Variants in CNBP observed in about 807,000 individuals in gnomAD.
CNBP encodes the protein cellular nucleic acid-binding protein.
In CNBP, 6 loss-of-function variants were observed where a neutral mutation model predicts 21.2. That is an observed-to-expected ratio of 0.28 (90% confidence interval 0.16 to 0.56). The LOEUF (loss-of-function observed/expected upper bound fraction) is 0.56, where lower values mean the gene tolerates loss of function less well. Ranked by LOEUF, CNBP falls within the 20% of genes least tolerant of loss-of-function variation. CNBP has a pLI of 0.93. For synonymous variants in CNBP, 61 were observed against 74.9 expected (o/e 0.81, Z 0.96); for missense variants, 112 against 233.1 (o/e 0.48, Z 3.38).
At chr3:129,181,655 A>AAAAAAAAAAAAAAAAAG (rs1264573788) in intron 1 of CNBP, among the ~76,000 whole-genome samples, 20 of 141,824 alleles carry the variant, frequency 1.4e-4, no homozygotes, top group African/African-American at 5.8e-4. Context: ...GTCTCAGAAA[A>AAAAAAAAAAAAAAAAAG]AAAAAAAGAA....
chr3:129,181,651 G>GAAAAAAAAAAAAAA (rs371274750), intron 1 of CNBP, among the ~76,000 whole-genome samples: 2 of 115,342 alleles, frequency 1.7e-5, no homozygotes, highest in Non-Finnish European at 3.4e-5. Flanking sequence ...CTCCGTCTCA[G>GAAAAAAAAAAAAAA]AAAAAAAAAA....
At chr3:129,173,709 T>A (rs143066011) in intron 1 of CNBP, among the ~76,000 whole-genome samples, 207 of 152,296 alleles carry the variant, frequency 1.4e-3, no homozygotes, top group African/African-American at 4.9e-3. Context: ...GCAACTACAT[T>A]TTCACACTTC....
intron 1 of CNBP, among the ~76,000 whole-genome samples, chr3:129,176,796 C>T (rs1006270850): frequency 6.6e-6 from 1 of 152,102 alleles, no homozygotes; most frequent in Admixed American, 6.5e-5. Context: ...GGGCCAACCA[C>T]TCAAAGGACA....
intron 1 of CNBP, 126 bp from the exon 2 acceptor site, chr3:129,171,897 T>C (rs910652099): frequency 1.0e-5 from 11 of 1,072,306 alleles, no homozygotes; most frequent in East Asian, 5.2e-5. Flanking sequence ...GTTAAAAAAA[T>C]AGCTGGGCAT....
At chr3:129,181,649 C>CAAAAA (rs1367375702) in intron 1 of CNBP, among the ~76,000 whole-genome samples, 1,242 of 72,210 alleles carry the variant, frequency 0.017, 212 homozygotes, top group African/African-American at 0.079. Context: ...GACTCCGTCT[C>CAAAAA]AGAAAAAAAA....
chr3:129,171,164 A>G lies in CNBP; in HGVS notation c.331T>C (p.Cys111Arg). 1 of 1,614,268 alleles carries G rather than the reference A, an allele frequency of 6.2e-7. No individual in the cohort carries two copies. Among genetic ancestry groups the G allele is most frequent in the Non-Finnish European group, 8.5e-7 (1 of 1,180,054 alleles). ...CGKPGHLARD[C>R]DHADEQKCYS... Reference sequence around the variant, plus strand: ...CATTTCTGCTCATCTGCATGGTCGCAGTCACGAGCCAGATGGCCTGGTTTG... The same window carrying G: ...CATTTCTGCTCATCTGCATGGTCGCGGTCACGAGCCAGATGGCCTGGTTTG... The change falls in exon 4 of 5, where the codon TGC becomes CGC. Residue 111 changes from cysteine to arginine, a missense_variant. Physicochemically the swap from Cys to Arg is radical, Grantham distance 180. Transcript: ENST00000422453.
chr3:129,182,620 T>C (rs944264138), intron 1 of CNBP, among the ~76,000 whole-genome samples: 2 of 152,194 alleles, frequency 1.3e-5, no homozygotes, highest in Non-Finnish European at 2.9e-5. Flanking sequence ...TGTAATTACA[T>C]CTGTTTCATT....
At chr3:129,180,762 C>CTT (rs755567747) in intron 1 of CNBP, among the ~76,000 whole-genome samples, 182 of 140,054 alleles carry the variant, frequency 1.3e-3, no homozygotes, top group African/African-American at 4.0e-3. Flanking sequence ...AGGAACCAAT[C>CTT]TTTTTTTTTT....
At chr3:129,181,131 T>G (rs1260489276) in intron 1 of CNBP, among the ~76,000 whole-genome samples, 1 of 149,344 alleles carries the variant, frequency 6.7e-6, no homozygotes, top group East Asian at 2.0e-4. Flanking sequence ...TCCCAGCTAC[T>G]TGGGAGGCTG....
In CNBP at chr3:129,171,724, A is replaced by G; in HGVS notation, c.34T>C (p.Ser12Pro). ...SSNECFKCGR[S>P]GHWARECPTG... is the part of the protein sequence containing the mutation. ...GGACATTCCCGGGCCCAGTGGCCAG[A>G]TCGTCCACACTTGAAGCACTCATTG... The change falls in exon 2 of 5, where the codon TCT becomes CCT. Residue 12 changes from serine (S) to proline (P), a missense_variant. Transcript: ENST00000422453. The G allele has an allele frequency of 6.2e-7, 1 of 1,614,126 alleles. No homozygotes were observed. The highest frequency in any genetic ancestry group is 1.1e-5 in the South Asian group (1 of 91,090).
chr3:129,174,359 A>AAC (rs1553787731), intron 1 of CNBP, among the ~76,000 whole-genome samples: 3 of 147,552 alleles, frequency 2.0e-5, no homozygotes, highest in African/African-American at 7.4e-5. Context: ...TAAAAAAAAA[A>AAC]AAAAAAAAAA....
At position 129,168,112 on chromosome 3, in the gene CNBP, A is replaced by AGG. The variant is rs1405663932; in HGVS notation, c.*2339_*2340dup. Among the ~76,000 whole-genome samples the AGG allele has an allele frequency of 6.6e-6, 1 of 152,142 alleles. No homozygotes were observed. The highest frequency in any genetic ancestry group is 1.5e-5 in the Non-Finnish European group (1 of 68,022). On this transcript the variant is annotated 3_prime_UTR_variant, in exon 5 of 5. Coordinates refer to ENST00000422453, the MANE Select transcript of CNBP (RefSeq NM_003418.5). ...AGTCAAGAATCACACAGCAGCATGG[A>AGG]GGGGGAAAATGAACTATATGATGCT...
intron 1 of CNBP, among the ~76,000 whole-genome samples, chr3:129,173,340 A>G (rs1384851654): frequency 6.6e-6 from 1 of 152,118 alleles, no homozygotes; most frequent in East Asian, 1.9e-4. Flanking sequence ...GGATTTTGGT[A>G]TTTGAGGGAG....
At position 129,171,668 on chromosome 3, in the gene CNBP, T is replaced by C; in HGVS notation, c.90A>G (p.Arg30=). The change falls in exon 2 of 5, where the codon AGA becomes AGG. Residue 30 remains arginine, a synonymous_variant. Transcript: ENST00000422453. ...PTGGGRGRGM[R]SRGRGGFTSD... Reference sequence around the variant, plus strand: ...AGGTAAAACCACCTCTGCCACGGCTTCTCATTCCACGACCACGGCCTCCAC... The same window carrying C: ...AGGTAAAACCACCTCTGCCACGGCTCCTCATTCCACGACCACGGCCTCCAC... The C allele has an allele frequency of 1.2e-6, 2 of 1,614,178 alleles. No individual in the cohort carries two copies. The highest frequency in any genetic ancestry group is 1.7e-6 in the Non-Finnish European group (2 of 1,180,040).
At chr3:129,183,490 C>T (rs1938461847) in intron 1 of CNBP, among the ~76,000 whole-genome samples, 1 of 152,270 alleles carries the variant, frequency 6.6e-6, no homozygotes, top group East Asian at 1.9e-4. Flanking sequence ...GCCTCCTCTG[C>T]CCTAAGCCTG....
Position 129,174,289 on chromosome 3 carries a change from G to A in CNBP, c.-14-2518C>T, listed in dbSNP as rs189327941. ...TGTAATCATTCTTTTAACTGTACTAGTATTAGCATCCTAAATTATGTGAAG... is the reference window on the plus strand; with the variant it reads ...TGTAATCATTCTTTTAACTGTACTAATATTAGCATCCTAAATTATGTGAAG... On this transcript the variant is annotated intron_variant, in intron 1 of 4. Transcript: ENST00000422453. Among the ~76,000 whole-genome samples, 74 of 132,912 alleles carry A rather than the reference G, an allele frequency of 5.6e-4. 1 individual carries two copies. The highest frequency in any genetic ancestry group is 2.0e-3 in the African/African-American group (72 of 35,392). The allele number at this position is 132,912 out of a possible 152,430, so 87.2% of individuals were successfully genotyped here.
chr3:129,181,422 G>A (rs780640503), intron 1 of CNBP, among the ~76,000 whole-genome samples: 2 of 150,810 alleles, frequency 1.3e-5, no homozygotes, highest in Non-Finnish European at 3.0e-5. Context: ...GAGAGGCCGA[G>A]GGAGTCGGAT....
In CNBP at chr3:129,170,221, GTTCT is replaced by G. The variant is rs1937543200; in HGVS notation, c.*228_*231del. 4.1e-6 allele frequency: 2 copies of G among 490,426 alleles called. No homozygotes were observed. The highest frequency in any genetic ancestry group is 3.1e-5 in the South Asian group (1 of 32,678). 30.4% of individuals were successfully genotyped at this position (490,426 alleles called of 1,614,324 possible). A position where few individuals can be genotyped will look rare whatever the true frequency, so the allele number is the denominator to read the frequency against. ...TATTCACCAGTGGCACGGAAAGGGG[GTTCT>G]TTAACAAAGCATTATACATAACACC... On this transcript the variant is annotated 3_prime_UTR_variant, in exon 5 of 5. Transcript: ENST00000422453.
chr3:129,171,232 T>C lies in CNBP; in HGVS notation c.263A>G (p.Lys88Arg), dbSNP rs774926505. 1.1e-5 allele frequency: 18 copies of C among 1,614,150 alleles called. No homozygotes were observed. Among genetic ancestry groups the C allele is most frequent in the Non-Finnish European group, 1.4e-5 (16 of 1,180,058 alleles). ...TTGCTCTCGCTCTCTCTTGGGCTCC[T>C]TGCAGTCCTTGGCAATGTGGCCACC... ...GRGGHIAKDC[K>R]EPKREREQCC... is the part of the protein sequence containing the mutation. The change falls in exon 4 of 5, where the codon AAG (lysine) becomes AGG (arginine). Residue 88 changes from lysine (K) to arginine (R), a missense_variant. By Grantham distance (26) the Lys-to-Arg change is conservative. Transcript: ENST00000422453.
Sources: gnomAD v4.1 joint callset for allele counts (sites outside exome capture counted in the v4.1 genomes callset) on GRCh38, gnomAD v4.1.1 for gene constraint, MANE v1.5 for transcripts, NCBI Gene and HGNC (gene_info 2026-07-23, HGNC 2026-07-21) for gene names.